Variants in FBXO45 observed in about 807,000 individuals in gnomAD.
FBXO45 encodes F-box protein 45, also known as F-box/SPRY domain-containing protein 1.
A neutral mutation model predicts 25.5 loss-of-function variants in FBXO45; 3 were observed. That is an observed-to-expected ratio of 0.12 (90% CI 0.05 to 0.30). The LOEUF (loss-of-function observed/expected upper bound fraction) is 0.30. Among genes scored for constraint, FBXO45 ranks in the 10% least tolerant of loss-of-function variants. The pLI, the probability that FBXO45 is intolerant of heterozygous loss-of-function variation, is 1.00. For missense variants in FBXO45, 219 were observed against 365.0 expected (o/e 0.60, Z 3.26); for synonymous variants, 155 against 149.8 (o/e 1.03, Z -0.25).
At chr3:196,574,924 G>A (rs1258363427) in intron 1 of FBXO45, among the ~76,000 whole-genome samples, 1 of 152,204 alleles carries the variant, frequency 6.6e-6, no homozygotes, top group East Asian at 1.9e-4. Context: ...GGCTGTGAAA[G>A]CCAGGCAGAA....
At chr3:196,581,475 C>T (rs924786241) in intron 2 of FBXO45, among the ~76,000 whole-genome samples, 4 of 151,794 alleles carry the variant, frequency 2.6e-5, no homozygotes, top group African/African-American at 9.7e-5. Context: ...GTGATCCGCC[C>T]GCCTCGGCCT....
At chr3:196,579,302 A>T (rs936084113) in intron 2 of FBXO45, among the ~76,000 whole-genome samples, 1 of 152,364 alleles carries the variant, frequency 6.6e-6, no homozygotes, top group Admixed American at 6.5e-5. Flanking sequence ...AGGCATACTA[A>T]AGCAGAAGAA....
Position 196,569,072 on chromosome 3 carries a change from T to G in FBXO45, c.88T>G (p.Ser30Ala). 7.1e-7 allele frequency: 1 copy of G among 1,403,704 alleles called. No homozygotes were observed. 87.0% of individuals were successfully genotyped at this position (1,403,704 alleles called of 1,614,324 possible). A position where few individuals can be genotyped will look rare whatever the true frequency, so the allele number is the denominator to read the frequency against. The change falls in exon 1 of 3, where the codon TCT becomes GCT. Residue 30 changes from serine to alanine, a missense_variant. Ser to Ala is a moderately conservative substitution (Grantham distance 99). Transcript: ENST00000311630. This position sits in a 1 kb window ranked among gnomAD's most constrained non-coding sequence, Gnocchi z 4.1. The stretch of plus-strand genomic sequence containing the variant: ...CGCGGGCGCGGGCGCGGGCTCGGGC[T>G]CTGGGGCCGCGGGGGCCGGGGGCCG... The part of the protein sequence containing the change: ...GGAGAGAGSG[S>A]GAAGAGGRLP...
chr3:196,586,739 GAC>G lies in FBXO45; in HGVS notation c.*2425_*2426del, dbSNP rs1736117044. ...TTGTAGTCACTTTGGAATGTTGGAAGACACATCGATGCTTGGGTTCCGTATGC... is the reference window on the plus strand; with the variant it reads ...TTGTAGTCACTTTGGAATGTTGGAAGACATCGATGCTTGGGTTCCGTATGC... On this transcript the variant is annotated 3_prime_UTR_variant, in exon 3 of 3. Transcript: ENST00000311630. 6.6e-6 allele frequency: 1 copy of G among 152,326 alleles called. No individual in the cohort carries two copies. Among genetic ancestry groups the G allele is most frequent in the East Asian group, 1.9e-4 (1 of 5,190 alleles). The allele number at this position is 152,326 out of a possible 1,614,324, so 9.4% of individuals were successfully genotyped here.
intron 2 of FBXO45, among the ~76,000 whole-genome samples, chr3:196,580,508 C>T (rs1194885450): frequency 1.3e-5 from 2 of 152,108 alleles, no homozygotes; most frequent in Middle Eastern, 3.4e-3. Context: ...CCATGCCTGG[C>T]GAGACGGGGT....
intron 1 of FBXO45, among the ~76,000 whole-genome samples, chr3:196,573,731 G>T (rs202066373): frequency 3.8e-4 from 35 of 92,296 alleles, no homozygotes; most frequent in Non-Finnish European, 5.2e-4. Context: ...CTGTTCAGTT[G>T]TTTTTTTTTT....
intron 2 of FBXO45, among the ~76,000 whole-genome samples, chr3:196,581,010 C>T (rs1184747212): frequency 6.6e-6 from 1 of 152,024 alleles, no homozygotes; most frequent in Admixed American, 6.5e-5. Flanking sequence ...TGGTTTCAAA[C>T]TCCTGAGCTC....
At chr3:196,570,228 A>G (rs769251212) in intron 1 of FBXO45, among the ~76,000 whole-genome samples, 9 of 152,008 alleles carry the variant, frequency 5.9e-5, no homozygotes, top group Non-Finnish European at 8.8e-5. Context: ...GTTAAACATA[A>G]TGAATGCATT....
intron 1 of FBXO45, among the ~76,000 whole-genome samples, chr3:196,572,684 T>G (rs1735848536): frequency 6.6e-6 from 1 of 152,220 alleles, no homozygotes; most frequent in Non-Finnish European, 1.5e-5. Context: ...GTGATATGAT[T>G]ATTTTGCATT....
chr3:196,580,860 A>T (rs189124832), intron 2 of FBXO45, among the ~76,000 whole-genome samples: 1 of 151,534 alleles, frequency 6.6e-6, no homozygotes, highest in East Asian at 2.0e-4. Context: ...ATCTTGGCTC[A>T]CTGAAACCTC....
At position 196,588,321 on chromosome 3, in the gene FBXO45, A is replaced by G. The variant is rs1301936625; in HGVS notation, c.*4003A>G. 1 of 152,244 alleles carries G rather than the reference A, an allele frequency of 6.6e-6. No homozygotes were observed. The highest frequency in any genetic ancestry group is 1.5e-5 in the Non-Finnish European group (1 of 68,116). 9.4% of individuals were successfully genotyped at this position (152,244 alleles called of 1,614,324 possible). On this transcript the variant is annotated 3_prime_UTR_variant, in exon 3 of 3. Transcript: ENST00000311630. This position sits in a 1 kb window ranked among gnomAD's most constrained non-coding sequence, Gnocchi z 4.2. ...CCAACACCACCCACCTCGCCTCCCA[A>G]AGTGCTGGGGTTACAGGCGCGAGCC...
chr3:196,576,679 A>G (rs1181830376), intron 1 of FBXO45, among the ~76,000 whole-genome samples: 1 of 152,270 alleles, frequency 6.6e-6, no homozygotes, highest in Non-Finnish European at 1.5e-5. Context: ...TGAAGAGTCA[A>G]CTAACTTGTC....
chr3:196,570,928 G>T (rs77266285), intron 1 of FBXO45, among the ~76,000 whole-genome samples: 1 of 151,624 alleles, frequency 6.6e-6, no homozygotes, highest in African/African-American at 2.4e-5. Flanking sequence ...AACCAGCATG[G>T]TCTCAATCTC....
At chr3:196,581,223 CTTTTTTTTTTTTTTTTT>C (rs33962634) in intron 2 of FBXO45, among the ~76,000 whole-genome samples, 2 of 63,670 alleles carry the variant, frequency 3.1e-5, no homozygotes, top group African/African-American at 7.0e-5. Context: ...TTTCTTTTTC[CTTTTTTTTTTTTTTTTT>C]TTTTTTTTTT....
At chr3:196,570,624 T>A (rs761665987) in intron 1 of FBXO45, among the ~76,000 whole-genome samples, 9 of 152,146 alleles carry the variant, frequency 5.9e-5, no homozygotes, top group Non-Finnish European at 1.2e-4. Flanking sequence ...AATTTATACT[T>A]ATGTAGTAAA....
intron 1 of FBXO45, among the ~76,000 whole-genome samples, chr3:196,575,372 C>T (rs1311548088): frequency 2.0e-5 from 3 of 150,686 alleles, no homozygotes; most frequent in African/African-American, 7.3e-5. Context: ...ACAGGAGAAT[C>T]GCTTGAACCC....
In FBXO45 at chr3:196,585,578, G is replaced by A. The variant is rs555014744; in HGVS notation, c.*1260G>A. The A allele has an allele frequency of 6.6e-6, 1 of 152,260 alleles. No individual in the cohort carries two copies. The highest frequency in any genetic ancestry group is 1.5e-5 in the Non-Finnish European group (1 of 68,020). 9.4% of individuals were successfully genotyped at this position (152,260 alleles called of 1,614,324 possible). A position where few individuals can be genotyped will look rare whatever the true frequency, so the allele number is the denominator to read the frequency against. On this transcript the variant is annotated 3_prime_UTR_variant, in exon 3 of 3. Transcript: ENST00000311630. The stretch of plus-strand genomic sequence containing the variant: ...CAACACCTTGTGCTGAAAACTTCAG[G>A]TTGGCAATATTTGAAGGTTTCGTTG...
At chr3:196,579,502 C>T (rs149299156) in intron 2 of FBXO45, among the ~76,000 whole-genome samples, 2,555 of 152,284 alleles carry the variant, frequency 0.017, 25 homozygotes, top group Non-Finnish European at 0.029. Context: ...GTCTGTTTTT[C>T]AGAGAACATG....
chr3:196,571,912 A>G (rs1735831850), intron 1 of FBXO45, among the ~76,000 whole-genome samples: 1 of 152,266 alleles, frequency 6.6e-6, no homozygotes, highest in Non-Finnish European at 1.5e-5. Context: ...ATAGTCTAGT[A>G]GGAAATCTTT....
Sources: allele counts gnomAD v4.1 joint callset (sites outside exome capture counted in the v4.1 genomes callset), GRCh38; gene constraint gnomAD v4.1.1; non-coding constraint Gnocchi (gnomAD v3.1); transcripts MANE v1.5; gene names NCBI Gene and HGNC (gene_info 2026-07-23, HGNC 2026-07-21).